PIEZO2: variants seen among roughly 807,000 people sequenced by gnomAD.
PIEZO2 encodes the protein piezo-type mechanosensitive ion channel component 2.
A neutral mutation model predicts 337.3 loss-of-function variants in PIEZO2; 172 were observed. That is an observed-to-expected ratio of 0.51 (90% CI 0.45 to 0.58). The LOEUF (loss-of-function observed/expected upper bound fraction) is 0.58. Among genes scored for constraint, PIEZO2 ranks in the 20% least tolerant of loss-of-function variants. The pLI is 0.00. For synonymous variants in PIEZO2, 1,251 were observed against 1,228.5 expected (o/e 1.02, Z -0.38); for missense variants, 3,028 against 3,391.3 (o/e 0.89, Z 2.66).
At chr18:11,090,178 G>A (rs570323315) in intron 1 of PIEZO2, among the ~76,000 whole-genome samples, 1 of 152,194 alleles carries the variant, frequency 6.6e-6, no homozygotes, top group East Asian at 1.9e-4. Flanking sequence ...TAACTGTAAC[G>A]GTGCCTTTTC....
rs1363491800 is a variant in PIEZO2 at position 10,702,115 on chromosome 18, A to G, written c.6315T>C (p.Asn2105=). The G allele has an allele frequency of 5.2e-6, 8 of 1,536,922 alleles. No individual in the cohort carries two copies. The highest frequency in any genetic ancestry group is 2.4e-5 in the East Asian group (1 of 40,904). The change falls in exon 43 of 56, where the codon AAT becomes AAC. Residue 2105 remains asparagine (N), a synonymous_variant. Transcript: ENST00000674853. The part of the protein sequence containing the change: ...FQFGFFPWNK[N]VEVNKDKPYH... Reference sequence around the variant, plus strand: ...ACGGTTTATCTTTGTTCACCTCCACATTCTTATTCCAGGGAAAGAACCCAA... The same window carrying G: ...ACGGTTTATCTTTGTTCACCTCCACGTTCTTATTCCAGGGAAAGAACCCAA...
intron 16 of PIEZO2, among the ~76,000 whole-genome samples, chr18:10,785,390 T>A (rs1598477696): frequency 6.6e-6 from 1 of 152,216 alleles, no homozygotes; most frequent in African/African-American, 2.4e-5. Flanking sequence ...GATTTACACA[T>A]CATCCTTACA....
intron 1 of PIEZO2, among the ~76,000 whole-genome samples, chr18:11,103,786 CGT>C (rs71364107): frequency 0.088 from 13,042 of 147,894 alleles, 1,075 homozygotes; most frequent in African/African-American, 0.23. Context: ...AGATGCTGGT[CGT>C]GTGTGTGTGT....
rs138262587 is a variant in PIEZO2 at position 10,804,334 on chromosome 18, G to A, written c.1081-340C>T. Among the ~76,000 whole-genome samples the A allele has an allele frequency of 5.8e-3, 885 of 152,292 alleles. 7 individuals carry two copies. The highest frequency in any genetic ancestry group is 0.02 in the African/African-American group (816 of 41,554). ...TAGCCAAGAGCCTTCACAAAGGTGC[G>A]CGGTTAACCGTGTAAGCCAGCTGCC... On this transcript the variant is annotated intron_variant, in intron 8 of 55. Transcript: ENST00000674853.
intron 3 of PIEZO2, among the ~76,000 whole-genome samples, chr18:10,923,570 C>T (rs1427168913): frequency 6.6e-6 from 1 of 151,398 alleles, no homozygotes; most frequent in Admixed American, 6.6e-5. Flanking sequence ...TTAAATGCCA[C>T]AACATCTTTG....
intron 5 of PIEZO2, 128 bp downstream of exon 5, chr18:10,871,125 G>A (rs1020684431): frequency 1.6e-5 from 16 of 995,726 alleles, no homozygotes; most frequent in African/African-American, 5.0e-5. Context: ...GACAGTAAAC[G>A]TTTATGTCAA....
Position 10,929,296 on chromosome 18 carries a change from G to A in PIEZO2, c.287-18068C>T, listed in dbSNP as rs1256356118. ...AGCTGCAAACGTGCACGCATCATAT[G>A]AAGGTGTTATGCTGCTGCATGCATG... On this transcript the variant is annotated intron_variant, in intron 3 of 55. Transcript: ENST00000674853. This position sits in a 1 kb window ranked among gnomAD's most constrained non-coding sequence, Gnocchi z 5.6. Among the ~76,000 whole-genome samples, 1 of 152,204 alleles carries A rather than the reference G, an allele frequency of 6.6e-6. No homozygotes were observed. The highest frequency in any genetic ancestry group is 1.5e-5 in the Non-Finnish European group (1 of 68,040).
At chr18:10,951,101 C>T (rs1489202108) in intron 3 of PIEZO2, among the ~76,000 whole-genome samples, 2 of 152,152 alleles carry the variant, frequency 1.3e-5, no homozygotes, top group Non-Finnish European at 2.9e-5. Context: ...TGCTGTAACC[C>T]GAAACTGGTT....
chr18:11,060,029 T>C (rs2037882770), intron 2 of PIEZO2, among the ~76,000 whole-genome samples: 1 of 152,094 alleles, frequency 6.6e-6, no homozygotes, highest in South Asian at 2.1e-4. Context: ...TCAGCAAATG[T>C]AAAAGAACAG....
At chr18:10,905,833 C>T (rs1284743186) in intron 4 of PIEZO2, among the ~76,000 whole-genome samples, 1 of 152,108 alleles carries the variant, frequency 6.6e-6, no homozygotes, top group Non-Finnish European at 1.5e-5. Context: ...TTAATCTATC[C>T]CACAAACATC....
At chr18:11,133,933 A>G (rs1301007494) in intron 1 of PIEZO2, among the ~76,000 whole-genome samples, 1 of 152,024 alleles carries the variant, frequency 6.6e-6, no homozygotes, top group Non-Finnish European at 1.5e-5. Flanking sequence ...GAGAACCTTG[A>G]CTAATACACT....
At chr18:11,008,805 T>C (rs2035801762) in intron 2 of PIEZO2, among the ~76,000 whole-genome samples, 2 of 152,152 alleles carry the variant, frequency 1.3e-5, no homozygotes, top group South Asian at 4.1e-4. Context: ...TCAGAGGGGG[T>C]GACAGGCCAG....
At chr18:10,774,602 G>A (rs79261100) in intron 18 of PIEZO2, among the ~76,000 whole-genome samples, 6,873 of 152,224 alleles carry the variant, frequency 0.045, 240 homozygotes, top group Non-Finnish European at 0.065. Context: ...GAGAGCTTCC[G>A]GTGAGCCCAC....
Position 10,671,745 on chromosome 18 carries a change from T to C in PIEZO2, c.8380A>G (p.Ile2794Val). The stretch of plus-strand genomic sequence containing the variant: ...AAGAATTCACGGACAAATTTCCCAA[T>C]CACAAGGACAACTGAAGCATATAAT... ...MGLYASVVLV[I>V]GKFVREFFSG... Residue 2794 changes from isoleucine (I) to valine (V), a missense_variant, in exon 56 of 56, where the codon ATT becomes GTT. By Grantham distance (29) the Ile-to-Val change is conservative. Coordinates refer to ENST00000674853, the MANE Select transcript of PIEZO2 (RefSeq NM_001378183.1). 1.2e-6 allele frequency: 2 copies of C among 1,613,468 alleles called. No homozygotes were observed. The highest frequency in any genetic ancestry group is 1.7e-6 in the Non-Finnish European group (2 of 1,179,754).
intron 7 of PIEZO2, among the ~76,000 whole-genome samples, chr18:10,827,576 G>A (rs2040713870): frequency 3.3e-5 from 5 of 152,028 alleles, no homozygotes; most frequent in Admixed American, 3.3e-4. Context: ...GGTGGTATTA[G>A]GCAGCCAACA....
At chr18:11,123,563 C>T (rs948194525) in intron 1 of PIEZO2, among the ~76,000 whole-genome samples, 19 of 152,148 alleles carry the variant, frequency 1.2e-4, no homozygotes, top group Non-Finnish European at 2.6e-4. Flanking sequence ...AATCCCAGCA[C>T]TTTGGGAGGC....
At chr18:10,839,777 AT>A (rs35379345) in intron 7 of PIEZO2, among the ~76,000 whole-genome samples, 47,739 of 151,728 alleles carry the variant, frequency 0.31, 8,218 homozygotes, top group East Asian at 0.65. Context: ...AAGGAGTATC[AT>A]TTTTTTTTAC....
At chr18:10,838,383 T>C (rs940539775) in intron 7 of PIEZO2, among the ~76,000 whole-genome samples, 2 of 152,238 alleles carry the variant, frequency 1.3e-5, no homozygotes, top group African/African-American at 4.8e-5. Context: ...GATTTCACAC[T>C]ACATTGTTTT....
chr18:11,049,009 T>C (rs1450905570), intron 2 of PIEZO2, among the ~76,000 whole-genome samples: 1 of 152,116 alleles, frequency 6.6e-6, no homozygotes, highest in Non-Finnish European at 1.5e-5. Context: ...CAGAAATTAG[T>C]CTCGTCCAGG....
Sources: gnomAD v4.1 joint callset for allele counts (sites outside exome capture counted in the v4.1 genomes callset) on GRCh38, gnomAD v4.1.1 for gene constraint, Gnocchi (gnomAD v3.1) non-coding constraint, MANE v1.5 for transcripts, NCBI Gene and HGNC (gene_info 2026-07-23, HGNC 2026-07-21) for gene names.